Variants in SERINC2 observed in about 807,000 individuals in gnomAD.
SERINC2 encodes tumor differentially expressed protein 2.
SERINC2 carries 56 observed loss-of-function variants against 54.2 expected under a neutral mutation model. That is an observed-to-expected ratio of 1.03 (90% CI 0.83 to 1.29). The LOEUF (loss-of-function observed/expected upper bound fraction) is 1.29. SERINC2 is among the 50% of genes most tolerant of loss of function. The pLI, the probability that SERINC2 is intolerant of heterozygous loss-of-function variation, is 0.00. For synonymous variants in SERINC2, 272 were observed against 253.1 expected, an observed-to-expected ratio of 1.07 and a Z score of -0.71; for missense variants, 614 against 607.4, an observed-to-expected ratio of 1.01 and a Z score of -0.12.
intron 1 of SERINC2, 95 bp from the exon 2 acceptor site, chr1:31,423,598 G>A: frequency 7.7e-7 from 1 of 1,302,050 alleles, no homozygotes; most frequent in Admixed American, 2.1e-5. Flanking sequence ...CTCCTGCCTA[G>A]CGCAGCACAG....
chr1:31,433,313 G>A, intron 9 of SERINC2, 128 bp downstream of exon 9: 1 of 755,078 alleles, frequency 1.3e-6, no homozygotes, highest in Non-Finnish European at 2.2e-6. Flanking sequence ...TGTGTATCAA[G>A]GACCCTCCAT....
chr1:31,424,918 G>T, intron 3 of SERINC2, 45 bp downstream of exon 3: 6 of 1,513,476 alleles, frequency 4.0e-6, no homozygotes, highest in Non-Finnish European at 5.4e-6. Flanking sequence ...TTCCCCCAGT[G>T]CCTTGCCCGC....
Position 31,426,795 on chromosome 1 carries a change from C to T in SERINC2, c.752C>T (p.Ser251Phe), listed in dbSNP as rs1641056131. Reference sequence around the variant, plus strand: ...AACCTCACCTTCTGTGTCTGCGTGTCCATCGCTGCTGTCCTGCCCAAGGTC... The same window carrying T: ...AACCTCACCTTCTGTGTCTGCGTGTTCATCGCTGCTGTCCTGCCCAAGGTC... ...SLNLTFCVCVSIAAVLPKVQD... is the reference protein window; with the variant it reads ...SLNLTFCVCVFIAAVLPKVQD... Residue 251 changes from serine (S) to phenylalanine (F), a missense_variant, in exon 6 of 10, where the codon TCC becomes TTC. Physicochemically the swap from Ser to Phe is radical, Grantham distance 155. Transcript: ENST00000373709. 6.2e-7 allele frequency: 1 copy of T among 1,614,066 alleles called. No homozygotes were observed. Among genetic ancestry groups the T allele is most frequent in the South Asian group, 1.1e-5 (1 of 91,084 alleles).
At chr1:31,433,875 T>C (rs1641392114) in intron 9 of SERINC2, among the ~76,000 whole-genome samples, 189 bp from the exon 10 acceptor site, 1 of 151,994 alleles carries the variant, frequency 6.6e-6, no homozygotes, top group South Asian at 2.1e-4. Flanking sequence ...GGGCTCAAGA[T>C]GGGAATCGAG....
chr1:31,411,259 T>C (rs933353777), upstream of SERINC2, among the ~76,000 whole-genome samples: 33 of 152,202 alleles, frequency 2.2e-4, no homozygotes, highest in African/African-American at 7.5e-4. Context: ...AGGGAAGCAG[T>C]AGGACATCAG....
rs1553134731 is a variant in SERINC2 at position 31,432,134 on chromosome 1, TGGACAG to T, written c.1014-830_1014-825del. Among the ~76,000 whole-genome samples the T allele has an allele frequency of 6.9e-5, 9 of 130,280 alleles. 1 individual carries two copies. The highest frequency in any genetic ancestry group is 1.5e-4 in the Admixed American group (2 of 13,568). The allele number at this position is 130,280 out of a possible 152,430, so 85.5% of individuals were successfully genotyped here. A position where few individuals can be genotyped will look rare whatever the true frequency, so the allele number is the denominator to read the frequency against. On this transcript the variant is annotated intron_variant, in intron 8 of 9. Transcript: ENST00000373709. ...GATAGGGTGGTTAGGGTGGATAGGG[TGGACAG>T]GGTGGACAGGGTGGACAGGGTGGAT... is the stretch of plus-strand genomic sequence containing the variant.
At chr1:31,432,274 G>C (rs184631873) in intron 8 of SERINC2, among the ~76,000 whole-genome samples, 1 of 150,594 alleles carries the variant, frequency 6.6e-6, no homozygotes, top group Non-Finnish European at 1.5e-5. Flanking sequence ...CAATTTGCTG[G>C]GGTGGCGGGG....
rs1641049308 is a variant in SERINC2, at chr1:31,426,642, C to G, written c.611-12C>G. Reference sequence around the variant, plus strand: ...ACCCACTGCCTACCCTCTCACTACCCCTCTGGCCCAGGCCTCTTCTTCTTC... The same window carrying G: ...ACCCACTGCCTACCCTCTCACTACCGCTCTGGCCCAGGCCTCTTCTTCTTC... On this transcript the variant is annotated splice_polypyrimidine_tract_variant and intron_variant, in intron 5 of 9. Transcript: ENST00000373709. 5.6e-6 allele frequency: 9 copies of G among 1,597,942 alleles called. No homozygotes were observed. Among genetic ancestry groups the G allele is most frequent in the Non-Finnish European group, 7.7e-6 (9 of 1,167,910 alleles).
At chr1:31,432,068 GGGTGGACAGGGTGGTTAGGGTGGAC>G (rs1557500943) in intron 8 of SERINC2, among the ~76,000 whole-genome samples, 3 of 134,170 alleles carry the variant, frequency 2.2e-5, no homozygotes, top group East Asian at 2.4e-4. Context: ...AGGGTGGACA[GGGTGGACAGGGTGGTTAGGGTGGAC>G]AGGGTGGACA....
chr1:31,418,649 A>C (rs1553132482), intron 1 of SERINC2, among the ~76,000 whole-genome samples: 2 of 152,204 alleles, frequency 1.3e-5, no homozygotes, highest in African/African-American at 4.8e-5. Context: ...TGCTGGGATT[A>C]CAGGCATGAA....
rs1553135324 is a variant in SERINC2 at position 31,434,130 on chromosome 1, G to T, written c.1299G>T (p.Trp433Cys). The stretch of plus-strand genomic sequence containing the variant: ...TGTGGGTGAAGATCTGTGCCAGCTG[G>T]GCAGGGCTGCTCCTCTACCTGTGGA... ...TAVWVKICAS[W>C]AGLLLYLWTL... The change falls in exon 10 of 10, where the codon TGG becomes TGT. Residue 433 changes from tryptophan to cysteine, a missense_variant. Transcript: ENST00000373709. 6.2e-7 allele frequency: 1 copy of T among 1,613,822 alleles called. No homozygotes were observed. Among genetic ancestry groups the T allele is most frequent in the Non-Finnish European group, 8.5e-7 (1 of 1,179,974 alleles).
At chr1:31,410,349 A>G, upstream of SERINC2, 2 of 1,548,620 alleles carry the variant, frequency 1.3e-6, no homozygotes, top group Non-Finnish European at 1.7e-6. Context: ...GTCCCCTCAG[A>G]TAGCTGGGGT....
chr1:31,413,270 G>T lies in SERINC2; in HGVS notation c.5G>T (p.Gly2Val), dbSNP rs782236815. ...CCGAAGCCGGGAGCCGCCGCCATGG[G>T]GGCCTGCCTGGGAGCCTGCTCCCTG... M[G>V]ACLGACSLLS... The change falls in exon 1 of 10, where the codon GGG becomes GTG. Residue 2 changes from glycine to valine, a missense_variant. By Grantham distance (109) the Gly-to-Val change is moderately radical. Coordinates refer to ENST00000373709, the MANE Select transcript of SERINC2 (RefSeq NM_178865.5). The surrounding 1 kb of genome is among the most constrained non-coding windows in gnomAD (Gnocchi z 5.0). 9 of 1,248,242 alleles carry T rather than the reference G, an allele frequency of 7.2e-6. No individual in the cohort carries two copies. The South Asian group carries it at 9.3e-5, about 13-fold the overall frequency. The allele number at this position is 1,248,242 out of a possible 1,614,324, so 77.3% of individuals were successfully genotyped here.
At position 31,423,237 on chromosome 1, in the gene SERINC2, G is replaced by T. The variant is rs557231118; in HGVS notation, c.40-456G>T. On this transcript the variant is annotated intron_variant, in intron 1 of 9. Transcript: ENST00000373709. ...GGGAAGGGGAAAGGGAGCCCAAGGG[G>T]GCTACAATGTGGAATTTCTGTTTCA... 1.1e-4 allele frequency among the ~76,000 whole-genome samples: 16 copies of T among 152,322 alleles called. No homozygotes were observed. The South Asian group carries it at 3.3e-3, about 32-fold the overall frequency.
At chr1:31,430,947 A>C (rs1641179021) in intron 8 of SERINC2, among the ~76,000 whole-genome samples, 1 of 152,116 alleles carries the variant, frequency 6.6e-6, no homozygotes, top group Admixed American at 6.5e-5. Context: ...GAACATTTTA[A>C]AGCTCTTTCA....
chr1:31,433,169 C>T lies in SERINC2; in HGVS notation c.1216C>T (p.Leu406Phe), dbSNP rs1342121524. The T allele has an allele frequency of 2.0e-5, 33 of 1,613,508 alleles. No homozygotes were observed. The highest frequency in any genetic ancestry group is 2.5e-5 in the Non-Finnish European group (30 of 1,179,928). ...VLASLHVMMT[L>F]TNWYKPGETR... Reference sequence around the variant, plus strand: ...GGCCTCACTGCACGTCATGATGACGCTCACCAACTGGTACAAGTGCGTAGC... The same window carrying T: ...GGCCTCACTGCACGTCATGATGACGTTCACCAACTGGTACAAGTGCGTAGC... The change falls in exon 9 of 10, where the codon CTC becomes TTC. Residue 406 changes from leucine (L) to phenylalanine (F), a missense_variant. Leu to Phe is a conservative substitution (Grantham distance 22, BLOSUM62 0). Coordinates refer to ENST00000373709, the MANE Select transcript of SERINC2 (RefSeq NM_178865.5).
At chr1:31,417,852 C>T (rs148738638) in intron 1 of SERINC2, among the ~76,000 whole-genome samples, 80 of 95,686 alleles carry the variant, frequency 8.4e-4, no homozygotes, top group South Asian at 3.2e-3. Flanking sequence ...AAATTTCATT[C>T]TTTTTTTTTT....
At chr1:31,410,223 C>T, upstream of SERINC2, 1 of 1,449,116 alleles carries the variant, frequency 6.9e-7, no homozygotes, top group African/African-American at 1.4e-5. Flanking sequence ...GTGCAAGAGA[C>T]AGAGCTACTC....
intron 5 of SERINC2, among the ~76,000 whole-genome samples, chr1:31,426,290 A>G (rs1437443435): frequency 6.6e-6 from 1 of 152,108 alleles, no homozygotes; most frequent in Non-Finnish European, 1.5e-5. Context: ...TCTGAACACA[A>G]CGAGGAGAAA....
Sources: gnomAD v4.1 joint callset for allele counts (sites outside exome capture counted in the v4.1 genomes callset) on GRCh38, gnomAD v4.1.1 for gene constraint, Gnocchi (gnomAD v3.1) non-coding constraint, MANE v1.5 for transcripts, NCBI Gene and HGNC (gene_info 2026-07-23, HGNC 2026-07-21) for gene names.